Variants in ZNF804B observed in about 807,000 individuals in gnomAD.
ZNF804B encodes the protein zinc finger 804B.
In ZNF804B, 80 loss-of-function variants were observed where a neutral mutation model predicts 101.4. The observed-to-expected ratio is 0.79, with a 90% confidence interval of 0.66 to 0.95. The LOEUF (loss-of-function observed/expected upper bound fraction) is 0.95. Ranked by LOEUF, ZNF804B falls within the 40% of genes least tolerant of loss-of-function variation. The probability of loss-of-function intolerance (pLI) is 0.00; values close to 1 mark genes in which losing one functional copy is unlikely to be tolerated. For synonymous variants in ZNF804B, 622 were observed against 558.8 expected (o/e 1.11, Z -1.59); for missense variants, 1,673 against 1,561.9 (o/e 1.07, Z -1.20).
chr7:88,963,745 A>G (rs955041759), intron 1 of ZNF804B, among the ~76,000 whole-genome samples: 11 of 151,362 alleles, frequency 7.3e-5, no homozygotes, highest in African/African-American at 2.7e-4. Flanking sequence ...AGGACAACCT[A>G]TGGAATGAGA....
At chr7:89,103,657 T>A (rs1029702211) in intron 1 of ZNF804B, among the ~76,000 whole-genome samples, 1 of 151,936 alleles carries the variant, frequency 6.6e-6, no homozygotes. Context: ...TTTCTAGGTA[T>A]ATAATTATGT....
chr7:88,769,716 C>G (rs894596196), intron 1 of ZNF804B, among the ~76,000 whole-genome samples: 2 of 152,116 alleles, frequency 1.3e-5, no homozygotes, highest in Non-Finnish European at 2.9e-5. Context: ...CCCTGACCAA[C>G]GACCACTGCA....
chr7:88,794,194 G>A, intron 1 of ZNF804B: 1 of 1,605,480 alleles, frequency 6.2e-7, no homozygotes, highest in South Asian at 1.1e-5. Flanking sequence ...GAAACGTGAA[G>A]GAGCAGGCCA....
At chr7:89,070,581 A>T (rs1789520833) in intron 1 of ZNF804B, among the ~76,000 whole-genome samples, 1 of 152,116 alleles carries the variant, frequency 6.6e-6, no homozygotes, top group Admixed American at 6.5e-5. Flanking sequence ...TGGTTTCTTC[A>T]TCTGTAAATT....
At chr7:89,130,152 G>A (rs1043366462) in intron 1 of ZNF804B, among the ~76,000 whole-genome samples, 4 of 151,890 alleles carry the variant, frequency 2.6e-5, no homozygotes, top group Non-Finnish European at 5.9e-5. Flanking sequence ...GGTTTTCCTG[G>A]CCACAGAGTG....
chr7:88,767,882 A>G (rs956206878), intron 1 of ZNF804B, among the ~76,000 whole-genome samples: 2 of 152,024 alleles, frequency 1.3e-5, no homozygotes, highest in Non-Finnish European at 2.9e-5. Context: ...TTTACCCTTC[A>G]TTTGTTGGGC....
intron 1 of ZNF804B, among the ~76,000 whole-genome samples, chr7:88,814,065 T>C (rs560011487): frequency 1.3e-5 from 2 of 152,306 alleles, no homozygotes; most frequent in South Asian, 4.1e-4. Flanking sequence ...GCAGAATTGA[T>C]ATTTATAGTA....
chr7:89,021,593 T>A (rs1788669179), intron 1 of ZNF804B, among the ~76,000 whole-genome samples: 1 of 152,116 alleles, frequency 6.6e-6, no homozygotes, highest in Non-Finnish European at 1.5e-5. Flanking sequence ...TCTGGTGGCA[T>A]GTTTGCTGGA....
At chr7:89,144,854 C>A (rs1338559845) in intron 1 of ZNF804B, among the ~76,000 whole-genome samples, 31 of 151,764 alleles carry the variant, frequency 2.0e-4, no homozygotes, top group Admixed American at 2.0e-3. Context: ...AGGCTGGGTG[C>A]CTATAATCCC....
At chr7:88,850,661 A>G (rs895471234) in intron 1 of ZNF804B, among the ~76,000 whole-genome samples, 7 of 152,144 alleles carry the variant, frequency 4.6e-5, no homozygotes, top group East Asian at 1.9e-4. Flanking sequence ...AACTGTTTCT[A>G]AGAAATTTAA....
intron 2 of ZNF804B, among the ~76,000 whole-genome samples, chr7:89,281,622 A>G (rs1157239983): frequency 6.6e-6 from 1 of 152,216 alleles, no homozygotes; most frequent in East Asian, 1.9e-4. Flanking sequence ...CAAGTATAAT[A>G]TGAATATGGA....
chr7:89,333,364 G>A lies in ZNF804B; in HGVS notation c.382G>A (p.Val128Ile). 6.3e-7 allele frequency: 1 copy of A among 1,584,422 alleles called. No individual in the cohort carries two copies. The highest frequency in any genetic ancestry group is 8.6e-7 in the Non-Finnish European group (1 of 1,169,204). ...TTTAAATATTTATTGTATTTACAGT[G>A]TTTCTGGAAATGGACCAGCATACAA... ...LAELRQQSEC[V>I]SGNGPAYKAP... Residue 128 changes from valine to isoleucine, a missense_variant and splice_region_variant, in exon 4 of 4, where the codon GTT becomes ATT. Physicochemically the swap from Val to Ile is conservative, Grantham distance 29. Coordinates refer to ENST00000333190, the MANE Select transcript of ZNF804B (RefSeq NM_181646.5).
At chr7:89,076,367 G>T (rs1298090886) in intron 1 of ZNF804B, among the ~76,000 whole-genome samples, 2 of 151,466 alleles carry the variant, frequency 1.3e-5, no homozygotes, top group East Asian at 2.0e-4. Context: ...TTTTTAAAAA[G>T]GGTAGTTTCC....
chr7:89,332,848 A>G (rs1791007790), intron 3 of ZNF804B, among the ~76,000 whole-genome samples: 1 of 152,028 alleles, frequency 6.6e-6, no homozygotes, highest in South Asian at 2.1e-4. Flanking sequence ...ATAAAGAAAG[A>G]ACTTACCACT....
At chr7:88,914,676 A>G (rs1459519971) in intron 1 of ZNF804B, among the ~76,000 whole-genome samples, 1 of 152,180 alleles carries the variant, frequency 6.6e-6, no homozygotes, top group African/African-American at 2.4e-5. Context: ...AAGTTATATC[A>G]AAACTCCTGA....
At position 89,068,700 on chromosome 7, in the gene ZNF804B, C is replaced by T. The variant is rs1461527882; in HGVS notation, c.109-149455C>T. Among the ~76,000 whole-genome samples the T allele has an allele frequency of 5.9e-5, 9 of 152,096 alleles. No homozygotes were observed. In the East Asian group the frequency reaches 1.7e-3, roughly 29 times the overall value. ...AATGTTTTAACATTTTTAATTTGGC[C>T]TTTATAAATCTACATTGTGAACGAG... On this transcript the variant is annotated intron_variant, in intron 1 of 3. Transcript: ENST00000333190.
intron 1 of ZNF804B, among the ~76,000 whole-genome samples, chr7:89,214,857 A>G (rs1472252344): frequency 1.3e-5 from 2 of 152,212 alleles, no homozygotes; most frequent in African/African-American, 4.8e-5. Context: ...AAACAGTTGA[A>G]TGAATGGATG....
At chr7:88,854,414 C>CCTTTCTCTTTCTTTCTTTCTTTCTTT (rs1554340150) in intron 1 of ZNF804B, among the ~76,000 whole-genome samples, 1 of 57,076 alleles carries the variant, frequency 1.8e-5, no homozygotes, top group African/African-American at 6.3e-5. Context: ...TTTCTTTCTT[C>CCTTTCTCTTTCTTTCTTTCTTTCTTT]CTTTCTTTCT....
chr7:89,198,371 C>T (rs1488438871), intron 1 of ZNF804B, among the ~76,000 whole-genome samples: 1 of 151,916 alleles, frequency 6.6e-6, no homozygotes, highest in African/African-American at 2.4e-5. Flanking sequence ...AATTTCTAAT[C>T]ACCTTGCATG....
Sources: gnomAD v4.1 joint callset for allele counts (sites outside exome capture counted in the v4.1 genomes callset) on GRCh38, gnomAD v4.1.1 for gene constraint, MANE v1.5 for transcripts, NCBI Gene and HGNC (gene_info 2026-07-23, HGNC 2026-07-21) for gene names.